The following CNTN5 variants were observed in gnomAD, a reference collection of about 807,000 sequenced individuals.
CNTN5 encodes the protein contactin-5.
A neutral mutation model predicts 129.1 loss-of-function variants in CNTN5; 77 were observed. The ratio of observed to expected loss-of-function variants is 0.60; its 90% CI spans 0.50 to 0.72. The LOEUF (loss-of-function observed/expected upper bound fraction) is 0.72, where lower values mean the gene tolerates loss of function less well. Among genes scored for constraint, CNTN5 ranks in the 30% least tolerant of loss-of-function variants. The pLI is 0.00. For missense variants in CNTN5, 1,478 were observed against 1,328.8 expected (o/e 1.11, Z -1.75); for synonymous variants, 509 against 465.6 (o/e 1.09, Z -1.20).
chr11:99,785,776 T>C (rs1459700509), intron 3 of CNTN5, among the ~76,000 whole-genome samples: 2 of 152,026 alleles, frequency 1.3e-5, no homozygotes, highest in African/African-American at 2.4e-5. Context: ...TCAATAGATG[T>C]AGAAAAAGCC....
chr11:99,057,397 G>T (rs1864664521), intron 1 of CNTN5, among the ~76,000 whole-genome samples: 1 of 152,026 alleles, frequency 6.6e-6, no homozygotes, highest in South Asian at 2.1e-4. Context: ...ATTTCAGGAT[G>T]GGAAGCGTCT....
At chr11:99,825,369 T>C (rs1946921550) in intron 4 of CNTN5, among the ~76,000 whole-genome samples, 1 of 152,060 alleles carries the variant, frequency 6.6e-6, no homozygotes, top group Non-Finnish European at 1.5e-5. Context: ...AAGAAATTTC[T>C]CAAGTATAAC....
At chr11:99,187,430 ATATTAATACAAATTACAATTTG>A (rs1858410136) in intron 1 of CNTN5, among the ~76,000 whole-genome samples, 1 of 125,094 alleles carries the variant, frequency 8.0e-6, no homozygotes, top group African/African-American at 3.1e-5. Context: ...ACAATTTGTT[ATATTAATACAAATTACAATTTG>A]TATTAAAATA....
chr11:99,726,050 C>A (rs895663761), intron 3 of CNTN5, among the ~76,000 whole-genome samples: 1 of 152,214 alleles, frequency 6.6e-6, no homozygotes, highest in Admixed American at 6.5e-5. Context: ...ACTCCATGAG[C>A]CTCAAGGAAA....
At chr11:100,056,163 C>T (rs1431861955) in intron 9 of CNTN5, among the ~76,000 whole-genome samples, 1 of 151,430 alleles carries the variant, frequency 6.6e-6, no homozygotes, top group African/African-American at 2.4e-5. Flanking sequence ...ATTGTCATAT[C>T]TTCCTTGATC....
intron 8 of CNTN5, among the ~76,000 whole-genome samples, chr11:99,987,552 C>CAT (rs1471288888): frequency 2.0e-5 from 3 of 149,576 alleles, no homozygotes; most frequent in South Asian, 4.2e-4. Context: ...TACACATACA[C>CAT]ACACACACAT....
At chr11:100,268,916 A>G (rs533282752) in intron 17 of CNTN5, among the ~76,000 whole-genome samples, 111 of 152,302 alleles carry the variant, frequency 7.3e-4, no homozygotes, top group African/African-American at 1.9e-3. Flanking sequence ...TCAAATAGTA[A>G]TGTCTATTAA....
chr11:100,029,398 C>A (rs762846453), intron 9 of CNTN5, among the ~76,000 whole-genome samples: 1 of 151,358 alleles, frequency 6.6e-6, no homozygotes, highest in Non-Finnish European at 1.5e-5. Flanking sequence ...CTGGCTAAGA[C>A]GGTGAAACCC....
At chr11:99,310,479 T>C (rs1388803778) in intron 1 of CNTN5, among the ~76,000 whole-genome samples, 1 of 152,188 alleles carries the variant, frequency 6.6e-6, no homozygotes, top group East Asian at 1.9e-4. Flanking sequence ...ATTACGTTGG[T>C]AAAATGTTTA....
At chr11:99,060,941 G>A (rs1275160519) in intron 1 of CNTN5, among the ~76,000 whole-genome samples, 2 of 152,044 alleles carry the variant, frequency 1.3e-5, no homozygotes, top group Admixed American at 1.3e-4. Flanking sequence ...ACCTCACACA[G>A]TATTCCTACT....
chr11:99,160,703 A>G (rs74783840), intron 1 of CNTN5, among the ~76,000 whole-genome samples: 2,565 of 152,280 alleles, frequency 0.017, 55 homozygotes, highest in African/African-American at 0.057. Flanking sequence ...GTCTACACAT[A>G]TTTATGGAAC....
intron 3 of CNTN5, among the ~76,000 whole-genome samples, chr11:99,616,348 C>A (rs1476266280): frequency 6.6e-6 from 1 of 152,146 alleles, no homozygotes; most frequent in Non-Finnish European, 1.5e-5. Context: ...CTTTACACTT[C>A]CTGCCATGTG....
At chr11:99,742,507 G>A (rs1341360629) in intron 3 of CNTN5, among the ~76,000 whole-genome samples, 1 of 152,144 alleles carries the variant, frequency 6.6e-6, no homozygotes, top group Non-Finnish European at 1.5e-5. Context: ...GCTTTAAATA[G>A]AGTTGTGGTA....
At chr11:100,124,328 A>G (rs1404645243) in intron 13 of CNTN5, among the ~76,000 whole-genome samples, 3 of 152,084 alleles carry the variant, frequency 2.0e-5, no homozygotes, top group South Asian at 2.1e-4. Context: ...TTTGTGCAAT[A>G]TATCTTTTTT....
chr11:99,449,631 C>G (rs1944216222), intron 2 of CNTN5, among the ~76,000 whole-genome samples: 1 of 152,168 alleles, frequency 6.6e-6, no homozygotes, highest in Admixed American at 6.5e-5. Flanking sequence ...GCTGTTCCTA[C>G]ATGGACTCAC....
rs531220785 is a variant in CNTN5 at position 99,439,844 on chromosome 11, A to G, written c.-71+114360A>G. Among the ~76,000 whole-genome samples, 55 of 152,286 alleles carry G rather than the reference A, an allele frequency of 3.6e-4. 1 individual carries two copies. The highest frequency in any genetic ancestry group is 1.3e-3 in the African/African-American group (54 of 41,576). ...TCCAACAATTAAGATTCACAAATCA[A>G]TTTATGCAATGAAATACATTAGTAT... is the stretch of plus-strand genomic sequence containing the variant. On this transcript the variant is annotated intron_variant, in intron 2 of 24. Transcript: ENST00000524871.
At chr11:99,253,905 A>T (rs973815646) in intron 1 of CNTN5, among the ~76,000 whole-genome samples, 5 of 141,140 alleles carry the variant, frequency 3.5e-5, no homozygotes, top group Admixed American at 7.1e-5. Flanking sequence ...GTTTATATAT[A>T]TATATATATA....
chr11:99,621,819 A>G (rs1396283202), intron 3 of CNTN5, among the ~76,000 whole-genome samples: 1 of 152,216 alleles, frequency 6.6e-6, no homozygotes, highest in Admixed American at 6.5e-5. Context: ...ATTTGCCCAC[A>G]TAAGTCTAAT....
At chr11:100,191,394 C>A (rs1483289027) in intron 14 of CNTN5, 141 bp downstream of exon 14, 3 of 586,622 alleles carry the variant, frequency 5.1e-6, no homozygotes, top group Non-Finnish European at 2.6e-6. Flanking sequence ...AAACATAGAA[C>A]TAAAACAGCC....
Sources: gnomAD v4.1 joint callset for allele counts (sites outside exome capture counted in the v4.1 genomes callset) on GRCh38, gnomAD v4.1.1 for gene constraint, MANE v1.5 for transcripts, NCBI Gene and HGNC (gene_info 2026-07-23, HGNC 2026-07-21) for gene names.